Variants in COA8 observed in about 807,000 individuals in gnomAD.
COA8 encodes the protein UPF0671 protein C14orf153.
In COA8, 20 loss-of-function variants were observed where a neutral mutation model predicts 22.0. The ratio of observed to expected loss-of-function variants is 0.91; its 90% CI spans 0.64 to 1.32. The LOEUF (loss-of-function observed/expected upper bound fraction) is 1.32, where lower values mean the gene tolerates loss of function less well. Ranked by LOEUF, COA8 falls within the 40% of genes most tolerant of loss-of-function variation. The pLI is 0.00. For synonymous variants in COA8, 105 were observed against 79.9 expected (o/e 1.31, Z -1.68); for missense variants, 266 against 230.0 (o/e 1.16, Z -1.01).
At chr14:103,572,500 G>A (rs2076195182) in intron 2 of COA8, among the ~76,000 whole-genome samples, 1 of 152,072 alleles carries the variant, frequency 6.6e-6, no homozygotes, top group Admixed American at 6.6e-5. Context: ...GAGGCTGAGA[G>A]GGGTGGATCA....
At chr14:103,568,518 T>TAC (rs1299112494) in intron 1 of COA8, among the ~76,000 whole-genome samples, 2 of 150,972 alleles carry the variant, frequency 1.3e-5, no homozygotes, top group Non-Finnish European at 2.9e-5. Context: ...TACATATATA[T>TAC]ACACACACAT....
At chr14:103,574,281 G>C in intron 3 of COA8, 111 bp downstream of exon 3, 1 of 1,454,590 alleles carries the variant, frequency 6.9e-7, no homozygotes, top group Non-Finnish European at 9.6e-7. Flanking sequence ...GCGGTCCTTG[G>C]CCTGCTTTGG....
At chr14:103,584,549 G>A (rs1366401611) in intron 3 of COA8, among the ~76,000 whole-genome samples, 1 of 152,002 alleles carries the variant, frequency 6.6e-6, no homozygotes, top group African/African-American at 2.4e-5. Flanking sequence ...ATGCCACGTG[G>A]GTCTTATGAT....
At chr14:103,586,062 G>A (rs1391133256) in intron 3 of COA8, among the ~76,000 whole-genome samples, 3 of 151,272 alleles carry the variant, frequency 2.0e-5, no homozygotes, top group East Asian at 1.9e-4. Context: ...TACCATGCCC[G>A]GCTAATTTTT....
intron 1 of COA8, among the ~76,000 whole-genome samples, chr14:103,568,004 AGCATCCATGTAGAATAG>A (rs1297605121): frequency 2.6e-5 from 4 of 152,088 alleles, no homozygotes; most frequent in African/African-American, 9.7e-5. Context: ...GGATTTGTCT[AGCATCCATGTAGAATAG>A]GGGGCTGGGG....
chr14:103,583,541 CAAAA>C (rs35726464), intron 3 of COA8, among the ~76,000 whole-genome samples: 2 of 53,102 alleles, frequency 3.8e-5, no homozygotes, highest in Non-Finnish European at 7.0e-5. Context: ...GACTCGATCT[CAAAA>C]AAAAAAAAAA....
Position 103,562,987 on chromosome 14 carries a change from AG to A in COA8, c.-10del, listed in dbSNP as rs559856575. The A allele has an allele frequency of 6.5e-7, 1 of 1,540,978 alleles. No homozygotes were observed. Among genetic ancestry groups the A allele is most frequent in the Non-Finnish European group, 8.7e-7 (1 of 1,149,582 alleles). On this transcript the variant is annotated 5_prime_UTR_variant, in exon 1 of 5. Transcript: ENST00000409074. ...AATGCTGCCGTGCGCCGCGGGAGCCAGGGGGCGTGGGGCCATGGTGGTCTTG... is the reference window on the plus strand; with the variant it reads ...AATGCTGCCGTGCGCCGCGGGAGCCAGGGGCGTGGGGCCATGGTGGTCTTG...
At position 103,587,365 on chromosome 14, in the gene COA8, G is replaced by A. The variant is rs900628637; in HGVS notation, c.476+1G>A. 12 of 1,605,610 alleles carry A rather than the reference G, an allele frequency of 7.5e-6. No individual in the cohort carries two copies. Among genetic ancestry groups the A allele is most frequent in the Non-Finnish European group, 1.0e-5 (12 of 1,173,844 alleles). Reference sequence around the variant, plus strand: ...TTCAGAAGCACATGTATTATAACAGGTAGGTGTTTACTCTTTTCCTGAAAA... The same window carrying A: ...TTCAGAAGCACATGTATTATAACAGATAGGTGTTTACTCTTTTCCTGAAAA... On this transcript the variant is annotated splice_donor_variant, in intron 4 of 4. Coordinates refer to ENST00000409074, the MANE Select transcript of COA8 (RefSeq NM_001370595.2). LOFTEE classifies it high-confidence loss of function.
chr14:103,562,992 G>T lies in COA8; in HGVS notation c.-10G>T. On this transcript the variant is annotated 5_prime_UTR_variant, in exon 1 of 5. Coordinates refer to ENST00000409074, the MANE Select transcript of COA8 (RefSeq NM_001370595.2). ...TGCCGTGCGCCGCGGGAGCCAGGGG[G>T]CGTGGGGCCATGGTGGTCTTGCGGG... The T allele has an allele frequency of 6.5e-7, 1 of 1,549,480 alleles. No homozygotes were observed. Among genetic ancestry groups the T allele is most frequent in the Non-Finnish European group, 8.7e-7 (1 of 1,153,582 alleles).
chr14:103,572,752 G>C (rs1310513565), intron 2 of COA8, among the ~76,000 whole-genome samples: 1 of 148,456 alleles, frequency 6.7e-6, no homozygotes, highest in African/African-American at 2.5e-5. Context: ...TTTGTGATGT[G>C]TTGTCATTCT....
At chr14:103,588,940 G>A (rs2076330814) in intron 4 of COA8, among the ~76,000 whole-genome samples, 2 of 152,212 alleles carry the variant, frequency 1.3e-5, no homozygotes, top group Admixed American at 1.3e-4. Context: ...CATTTCTAAG[G>A]TTGTCATGTA....
intron 2 of COA8, among the ~76,000 whole-genome samples, chr14:103,572,684 C>T (rs936249641): frequency 4.6e-5 from 7 of 151,666 alleles, no homozygotes; most frequent in African/African-American, 1.5e-4. Context: ...GAGCCGAGAG[C>T]GCGCCATTGC....
At chr14:103,590,133 C>G in intron 4 of COA8, 48 bp from the exon 5 acceptor site, 12 of 1,542,996 alleles carry the variant, frequency 7.8e-6, no homozygotes, top group Non-Finnish European at 1.1e-5. Flanking sequence ...GGCACCAAGC[C>G]TCAGTCCCTG....
At chr14:103,576,811 G>A (rs1367541673) in intron 3 of COA8, among the ~76,000 whole-genome samples, 2 of 152,212 alleles carry the variant, frequency 1.3e-5, no homozygotes, top group East Asian at 3.9e-4. Context: ...TGGGGCTTGT[G>A]CAGAGAGCCT....
intron 1 of COA8, chr14:103,567,493 T>C (rs2076144817): frequency 6.6e-6 from 1 of 152,086 alleles, no homozygotes; most frequent in South Asian, 2.1e-4. Context: ...TACCCTGCCG[T>C]GATGACTTGC....
intron 2 of COA8, among the ~76,000 whole-genome samples, chr14:103,573,828 T>G (rs2076207386): frequency 6.6e-6 from 1 of 152,154 alleles, no homozygotes; most frequent in Non-Finnish European, 1.5e-5. Flanking sequence ...GCTGGCATTA[T>G]GGGTGTGAGC....
chr14:103,576,587 C>CCT (rs1372968433), intron 3 of COA8, among the ~76,000 whole-genome samples: 1 of 152,140 alleles, frequency 6.6e-6, no homozygotes, highest in Non-Finnish European at 1.5e-5. Flanking sequence ...CCAGTCATGG[C>CCT]CTGTGCTCAG....
chr14:103,571,399 G>A (rs544404668), intron 1 of COA8, among the ~76,000 whole-genome samples: 1 of 152,174 alleles, frequency 6.6e-6, no homozygotes, highest in African/African-American at 2.4e-5. Context: ...AGCAAAGGTG[G>A]TTGAGTTTCG....
At chr14:103,579,325 A>C (rs2076250448) in intron 3 of COA8, 1 of 203,154 alleles carries the variant, frequency 4.9e-6, no homozygotes, top group African/African-American at 2.4e-5. Context: ...ATAAACATAT[A>C]AACAATAAAA....
Sources: gnomAD v4.1 joint callset for allele counts (sites outside exome capture counted in the v4.1 genomes callset) on GRCh38, gnomAD v4.1.1 for gene constraint, MANE v1.5 for transcripts, NCBI Gene and HGNC (gene_info 2026-07-23, HGNC 2026-07-21) for gene names.